Variants in CDKAL1 observed in about 807,000 individuals in gnomAD.
The protein encoded by CDKAL1 is threonylcarbamoyladenosine tRNA methylthiotransferase.
CDKAL1 carries 32 observed loss-of-function variants against 68.2 expected under a neutral mutation model. The observed-to-expected ratio is 0.47, with a 90% CI of 0.35 to 0.63. The LOEUF is 0.63. Ranked by LOEUF, CDKAL1 falls within the 30% of genes least tolerant of loss-of-function variation. The pLI is 0.00. For missense variants in CDKAL1, 606 were observed against 696.7 expected, an observed-to-expected ratio of 0.87 and a Z score of 1.47; for synonymous variants, 234 against 244.3, an observed-to-expected ratio of 0.96 and a Z score of 0.39.
Position 20,992,031 on chromosome 6 carries a change from C to CTTTTT in CDKAL1, c.910-8178_910-8174dup, listed in dbSNP as rs71530401. Reference sequence around the variant, plus strand: ...TTTCCCCCACCTTTTTTTTTCTTTTCTTTTTTTTTTTTTTTTTTTTTTGAG... The same window carrying CTTTTT: ...TTTCCCCCACCTTTTTTTTTCTTTTCTTTTTTTTTTTTTTTTTTTTTTTTTTTGAG... On this transcript the variant is annotated intron_variant, in intron 10 of 15. Coordinates refer to ENST00000274695, the MANE Select transcript of CDKAL1 (RefSeq NM_017774.3). 8.9e-3 allele frequency among the ~76,000 whole-genome samples: 889 copies of CTTTTT among 100,270 alleles called. 4 individuals are homozygous for CTTTTT. The highest frequency in any genetic ancestry group is 0.025 in the African/African-American group (583 of 23,406). 65.8% of individuals were successfully genotyped at this position (100,270 alleles called of 152,430 possible).
intron 10 of CDKAL1, among the ~76,000 whole-genome samples, chr6:20,976,797 A>G (rs966760010): frequency 1.3e-5 from 2 of 152,188 alleles, no homozygotes; most frequent in Non-Finnish European, 2.9e-5. Context: ...TGCCCAACAG[A>G]ATGTCCATGA....
chr6:20,866,992 A>C (rs745537903), intron 9 of CDKAL1, among the ~76,000 whole-genome samples: 1 of 152,336 alleles, frequency 6.6e-6, no homozygotes, highest in South Asian at 2.1e-4. Flanking sequence ...GGTGACTTAT[A>C]CAGTAGACCC....
intron 5 of CDKAL1, among the ~76,000 whole-genome samples, chr6:20,732,283 T>TTTTTTTTTTTTTTTTTTTTG (rs1554112044): frequency 1.7e-5 from 2 of 117,482 alleles, no homozygotes; most frequent in Non-Finnish European, 3.6e-5. Flanking sequence ...TTTTTTTTTT[T>TTTTTTTTTTTTTTTTTTTTG]TTGTTGTTGT....
intron 5 of CDKAL1, 101 bp downstream of exon 5, chr6:20,649,478 A>G: frequency 1.6e-6 from 1 of 628,196 alleles, no homozygotes; most frequent in Admixed American, 3.4e-5. Context: ...TTTAGTTTAT[A>G]TTAAAAAAGT....
intron 10 of CDKAL1, among the ~76,000 whole-genome samples, chr6:20,957,533 A>G (rs1764836319): frequency 6.6e-6 from 1 of 152,196 alleles, no homozygotes; most frequent in South Asian, 2.1e-4. Context: ...TCATGACATT[A>G]TATTTTTTAA....
intron 4 of CDKAL1, among the ~76,000 whole-genome samples, chr6:20,580,930 T>C (rs1421850773): frequency 2.0e-5 from 3 of 152,074 alleles, no homozygotes; most frequent in South Asian, 2.1e-4. Flanking sequence ...ACTGGGATTA[T>C]AGGCATGCGC....
At chr6:21,087,338 T>C (rs1026754958) in intron 12 of CDKAL1, among the ~76,000 whole-genome samples, 1 of 150,382 alleles carries the variant, frequency 6.6e-6, no homozygotes, top group Non-Finnish European at 1.5e-5. Flanking sequence ...CTTCAAGTCT[T>C]TGTTTTTTTT....
chr6:20,810,399 CACACACACACA>C (rs1776753168), intron 8 of CDKAL1, among the ~76,000 whole-genome samples: 1 of 6,400 alleles, frequency 1.6e-4, no homozygotes, highest in Non-Finnish European at 3.6e-4. Flanking sequence ...CTGTCACACA[CACACACACACA>C]CACACACACA....
At chr6:20,920,983 TGAAAGTTTTCTCTTTA>T (rs57653705) in intron 9 of CDKAL1, among the ~76,000 whole-genome samples, 145,876 of 152,180 alleles carry the variant, frequency 0.96, 69,930 homozygotes, top group East Asian at 1. Flanking sequence ...GATATGTAAC[TGAAAGTTTTCTCTTTA>T]GATTTTTATA....
intron 5 of CDKAL1, among the ~76,000 whole-genome samples, chr6:20,713,000 G>C (rs1309483444): frequency 6.7e-6 from 1 of 149,944 alleles, no homozygotes; most frequent in Non-Finnish European, 1.5e-5. Context: ...ATCTTTGTAA[G>C]ATTCTAAGAT....
intron 10 of CDKAL1, among the ~76,000 whole-genome samples, chr6:20,989,132 G>C (rs142815324): frequency 4.0e-4 from 61 of 151,766 alleles, no homozygotes; most frequent in Admixed American, 1.4e-3. Context: ...GTTTACCGCA[G>C]AAACAGTAAA....
Position 21,208,128 on chromosome 6 carries a change from C to T in CDKAL1, c.1548+6854C>T, listed in dbSNP as rs184971163. 4.2e-3 allele frequency among the ~76,000 whole-genome samples: 633 copies of T among 152,066 alleles called. 4 individuals are homozygous for T. The highest frequency in any genetic ancestry group is 7.1e-3 in the Non-Finnish European group (482 of 68,000). ...GGGTGCCTCAGTGCCACCTGTTTCT[C>T]ATCTATTGAGACTTTGATCCTGAGA... On this transcript the variant is annotated intron_variant, in intron 15 of 15. Coordinates refer to ENST00000274695, the MANE Select transcript of CDKAL1 (RefSeq NM_017774.3).
intron 4 of CDKAL1, among the ~76,000 whole-genome samples, chr6:20,580,264 A>C (rs1765088814): frequency 6.6e-6 from 1 of 152,190 alleles, no homozygotes. Flanking sequence ...CATGACATTC[A>C]GTAGTTTGTT....
chr6:21,090,335 TA>T (rs1474598871), intron 12 of CDKAL1, among the ~76,000 whole-genome samples: 1 of 152,218 alleles, frequency 6.6e-6, no homozygotes, highest in African/African-American at 2.4e-5. Flanking sequence ...ATCAAGGCTG[TA>T]AGTGAAGCCT....
At chr6:20,724,784 TTCAG>T in intron 5 of CDKAL1, among the ~76,000 whole-genome samples, 1 of 152,308 alleles carries the variant, frequency 6.6e-6, no homozygotes, top group Non-Finnish European at 1.5e-5. Context: ...TCTCATAGCA[TTCAG>T]GTAGATGGAG....
In CDKAL1 at chr6:21,016,331, A is replaced by G. The variant is rs531277056; in HGVS notation, c.1055+15959A>G. ...GTTCCAGAGCTGGTGCTTTTTACCTACTGTACTTCACTCTTCCTCACTGCC... is the reference window on the plus strand; with the variant it reads ...GTTCCAGAGCTGGTGCTTTTTACCTGCTGTACTTCACTCTTCCTCACTGCC... On this transcript the variant is annotated intron_variant, in intron 11 of 15. Coordinates refer to ENST00000274695, the MANE Select transcript of CDKAL1 (RefSeq NM_017774.3). Among the ~76,000 whole-genome samples the G allele has an allele frequency of 1.1e-4, 17 of 152,080 alleles. No homozygotes were observed. The East Asian group carries it at 3.1e-3, about 28-fold the overall frequency.
At chr6:20,784,610 A>G (rs1290509165) in intron 8 of CDKAL1, among the ~76,000 whole-genome samples, 1 of 150,906 alleles carries the variant, frequency 6.6e-6, no homozygotes, top group Non-Finnish European at 1.5e-5. Context: ...TTTTTAGTAA[A>G]GACGGGGTTT....
At chr6:20,557,933 ACAAACAAACAAACAAACACAT>A in intron 4 of CDKAL1, among the ~76,000 whole-genome samples, 1 of 152,190 alleles carries the variant, frequency 6.6e-6, no homozygotes, top group South Asian at 2.1e-4. Flanking sequence ...TCCGTCTTAA[ACAAACAAACAAACAAACACAT>A]CAAACAAACA....
At chr6:20,549,611 T>C (rs1763737280) in intron 4 of CDKAL1, among the ~76,000 whole-genome samples, 1 of 150,460 alleles carries the variant, frequency 6.6e-6, no homozygotes. Flanking sequence ...TATTTATTTA[T>C]TTATTTATTT....
Sources: allele counts gnomAD v4.1 joint callset (sites outside exome capture counted in the v4.1 genomes callset), GRCh38; gene constraint gnomAD v4.1.1; transcripts MANE v1.5; gene names NCBI Gene and HGNC (gene_info 2026-07-23, HGNC 2026-07-21).